The following PCSK5 variants were observed in gnomAD, a reference collection of about 807,000 sequenced individuals.
PCSK5 encodes the protein prohormone convertase 5.
In PCSK5, 129 loss-of-function variants were observed where a neutral mutation model predicts 233.2. The ratio of observed to expected loss-of-function variants is 0.55; its 90% CI spans 0.48 to 0.64. The LOEUF (loss-of-function observed/expected upper bound fraction) is 0.64. PCSK5 is among the 30% of genes least tolerant of loss of function. PCSK5 has a pLI of 0.00. For synonymous variants in PCSK5, 825 were observed against 879.2 expected (o/e 0.94, Z 1.09); for missense variants, 2,076 against 2,430.1 (o/e 0.85, Z 3.06).
At chr9:76,149,952 C>T (rs1564063059) in intron 10 of PCSK5, among the ~76,000 whole-genome samples, 1 of 152,142 alleles carries the variant, frequency 6.6e-6, no homozygotes, top group East Asian at 1.9e-4. Context: ...AGACATATCT[C>T]CTTCTTGTTT....
intron 1 of PCSK5, among the ~76,000 whole-genome samples, chr9:75,912,939 C>T (rs1258575222): frequency 6.6e-6 from 1 of 152,198 alleles, no homozygotes; most frequent in Non-Finnish European, 1.5e-5. Context: ...TGCTCTGTCT[C>T]CTTGCAGTCG....
At chr9:76,067,929 A>G (rs1830343195) in intron 5 of PCSK5, 26 bp from the exon 6 acceptor site, 2 of 1,592,994 alleles carry the variant, frequency 1.3e-6, no homozygotes, top group East Asian at 2.2e-5. Flanking sequence ...GTCTTACTTG[A>G]GAAAGTGTGT....
At chr9:76,160,560 A>G (rs1428257823) in intron 12 of PCSK5, among the ~76,000 whole-genome samples, 2 of 152,184 alleles carry the variant, frequency 1.3e-5, no homozygotes, top group African/African-American at 4.8e-5. Flanking sequence ...CCAGGTGACC[A>G]TGGCAGAGGT....
intron 10 of PCSK5, 21 bp downstream of exon 10, chr9:76,134,233 C>CT (rs1822879517): frequency 1.5e-6 from 2 of 1,369,112 alleles, no homozygotes; most frequent in Non-Finnish European, 2.0e-6. Flanking sequence ...CTTTCATATT[C>CT]TGTCACAGGC....
intron 20 of PCSK5, among the ~76,000 whole-genome samples, chr9:76,223,516 G>A (rs1825794234): frequency 6.6e-6 from 1 of 152,150 alleles, no homozygotes; most frequent in Non-Finnish European, 1.5e-5. Context: ...AAATTTATAA[G>A]TATTAATTTT....
chr9:76,320,542 T>G (rs62565671), intron 30 of PCSK5, among the ~76,000 whole-genome samples: 1 of 142,628 alleles, frequency 7.0e-6, no homozygotes. Flanking sequence ...GGCACAATCT[T>G]GGCTCACCTC....
At chr9:75,949,715 A>G (rs759944477) in intron 2 of PCSK5, among the ~76,000 whole-genome samples, 4 of 151,814 alleles carry the variant, frequency 2.6e-5, no homozygotes, top group Non-Finnish European at 5.9e-5. Context: ...TTTAGTAGAG[A>G]TAGGGTTTCA....
chr9:75,984,963 C>T (rs939271103), intron 2 of PCSK5, among the ~76,000 whole-genome samples: 2 of 152,150 alleles, frequency 1.3e-5, no homozygotes, highest in African/African-American at 4.8e-5. Flanking sequence ...AAAATGTTTA[C>T]TGAATGGCTG....
At chr9:76,352,219 G>A (rs1357306448) in intron 36 of PCSK5, among the ~76,000 whole-genome samples, 1 of 152,116 alleles carries the variant, frequency 6.6e-6, no homozygotes, top group South Asian at 2.1e-4. Context: ...ACCATATAGG[G>A]TAACTTCCTG....
Position 76,193,216 on chromosome 9 carries a change from T to G in PCSK5, c.2626+3470T>G. The G allele has an allele frequency of 2.5e-6, 4 of 1,611,032 alleles. No individual in the cohort carries two copies. The South Asian group carries it at 4.4e-5, about 18-fold the overall frequency. ...GCTCTCGTCTTCAACTCCCCTTCTCTCTTGCTGACTTCTGGAAAAGCAACG... is the reference window on the plus strand; with the variant it reads ...GCTCTCGTCTTCAACTCCCCTTCTCGCTTGCTGACTTCTGGAAAAGCAACG... On this transcript the variant is annotated intron_variant, in intron 20 of 37. Transcript: ENST00000674117.
At chr9:76,119,942 A>G (rs1832570118) in intron 9 of PCSK5, among the ~76,000 whole-genome samples, 1 of 151,908 alleles carries the variant, frequency 6.6e-6, no homozygotes, top group Non-Finnish European at 1.5e-5. Context: ...TCCCCCCAGC[A>G]CTTCCCATCA....
chr9:76,185,914 A>G (rs1824081702), intron 17 of PCSK5, among the ~76,000 whole-genome samples: 1 of 152,228 alleles, frequency 6.6e-6, no homozygotes, highest in South Asian at 2.1e-4. Context: ...CATCTGGCAC[A>G]TACTTGGTTC....
At chr9:75,924,603 G>T (rs1193098515) in intron 1 of PCSK5, among the ~76,000 whole-genome samples, 2 of 151,762 alleles carry the variant, frequency 1.3e-5, no homozygotes, top group Non-Finnish European at 2.9e-5. Context: ...TCTTGCCCCC[G>T]CCCCCCACTC....
At chr9:76,339,583 C>T (rs1185879666) in intron 35 of PCSK5, among the ~76,000 whole-genome samples, 2 of 151,978 alleles carry the variant, frequency 1.3e-5, no homozygotes, top group Admixed American at 6.6e-5. Flanking sequence ...CTCACTCTGT[C>T]GCCCAGGCTG....
intron 3 of PCSK5, among the ~76,000 whole-genome samples, chr9:75,995,093 T>G (rs1215931723): frequency 2.0e-5 from 3 of 152,224 alleles, no homozygotes; most frequent in African/African-American, 4.8e-5. Context: ...CATGTCCCTC[T>G]GCTGGGTTAA....
chr9:76,111,533 C>T (rs76877592), intron 9 of PCSK5, among the ~76,000 whole-genome samples: 1 of 151,972 alleles, frequency 6.6e-6, no homozygotes, highest in African/African-American at 2.4e-5. Context: ...TGATGTGGTA[C>T]CCTCAGAACA....
chr9:75,994,974 C>G (rs539340436), intron 3 of PCSK5, among the ~76,000 whole-genome samples: 1 of 152,330 alleles, frequency 6.6e-6, no homozygotes, highest in African/African-American at 2.4e-5. Context: ...CTTTCTACTT[C>G]GCTTTCTGCT....
chr9:75,960,991 A>G (rs1563939377), intron 2 of PCSK5, among the ~76,000 whole-genome samples: 1 of 152,222 alleles, frequency 6.6e-6, no homozygotes, highest in Non-Finnish European at 1.5e-5. Context: ...TTAGAATGAA[A>G]AGTGGAAAGA....
chr9:76,246,874 G>C (rs1210601384), intron 24 of PCSK5, among the ~76,000 whole-genome samples: 1 of 152,234 alleles, frequency 6.6e-6, no homozygotes, highest in Non-Finnish European at 1.5e-5. Flanking sequence ...GAGCTCCTAA[G>C]ATGGTGGCAG....
Sources: allele counts gnomAD v4.1 joint callset (sites outside exome capture counted in the v4.1 genomes callset), GRCh38; gene constraint gnomAD v4.1.1; transcripts MANE v1.5; gene names NCBI Gene and HGNC (gene_info 2026-07-23, HGNC 2026-07-21).